CAMK1D: variants seen among roughly 807,000 people sequenced by gnomAD.
The protein encoded by CAMK1D is calcium/calmodulin dependent protein kinase ID, also known as calcium/calmodulin-dependent protein kinase type 1D.
A neutral mutation model predicts 47.7 loss-of-function variants in CAMK1D; 9 were observed. The ratio of observed to expected loss-of-function variants is 0.19; its 90% CI spans 0.11 to 0.33. CAMK1D has a LOEUF of 0.33. CAMK1D is among the 10% of genes least tolerant of loss of function. The pLI is 1.00. For missense variants in CAMK1D, 291 were observed against 488.7 expected (o/e 0.60, Z 3.81); for synonymous variants, 184 against 184.9 (o/e 0.99, Z 0.04).
At chr10:12,730,826 C>G (rs542999267) in intron 3 of CAMK1D, among the ~76,000 whole-genome samples, 1 of 152,274 alleles carries the variant, frequency 6.6e-6, no homozygotes, top group Admixed American at 6.5e-5. Context: ...CTGCTTTGTT[C>G]AGCAACATAG....
rs145927523 is a variant in CAMK1D, at chr10:12,770,991, G to A, written c.565+1192G>A. On this transcript the variant is annotated intron_variant, in intron 5 of 10. Coordinates refer to ENST00000619168, the MANE Select transcript of CAMK1D (RefSeq NM_153498.4). ...TGTTGCAAGGTTGGAGTGCAGTGGC[G>A]CAATCCCGACTCACTGCAACCTCCG... Among the ~76,000 whole-genome samples the A allele has an allele frequency of 4.8e-3, 735 of 152,158 alleles. 5 individuals carry two copies. Among genetic ancestry groups the A allele is most frequent in the African/African-American group, 0.017 (696 of 41,510 alleles).
chr10:12,510,411 G>A (rs943520415), intron 1 of CAMK1D, among the ~76,000 whole-genome samples: 2 of 127,944 alleles, frequency 1.6e-5, no homozygotes, highest in Admixed American at 8.0e-5. Context: ...GCAAGACTCC[G>A]TCTAAAAAAA....
chr10:12,635,717 G>T (rs1448914840), intron 2 of CAMK1D, among the ~76,000 whole-genome samples: 3 of 152,176 alleles, frequency 2.0e-5, no homozygotes, highest in African/African-American at 7.2e-5. Flanking sequence ...TTGAGGTTAG[G>T]AGTAATGATC....
chr10:12,410,117 C>G (rs1005749406), intron 1 of CAMK1D, among the ~76,000 whole-genome samples: 1 of 152,124 alleles, frequency 6.6e-6, no homozygotes, highest in Non-Finnish European at 1.5e-5. Flanking sequence ...AATCTTGATA[C>G]ATACTTTTTA....
chr10:12,419,795 G>A (rs537937794), intron 1 of CAMK1D, among the ~76,000 whole-genome samples: 42 of 152,302 alleles, frequency 2.8e-4, no homozygotes, highest in Admixed American at 1.2e-3. Flanking sequence ...TTGTAAATAA[G>A]TGGTTACCAC....
intron 1 of CAMK1D, among the ~76,000 whole-genome samples, chr10:12,544,886 A>G (rs1192258313): frequency 3.3e-5 from 5 of 152,130 alleles, no homozygotes; most frequent in African/African-American, 7.2e-5. Context: ...GGATGGTACT[A>G]GTGTTGAGTG....
At chr10:12,406,041 G>T (rs74691500) in intron 1 of CAMK1D, among the ~76,000 whole-genome samples, 3 of 152,120 alleles carry the variant, frequency 2.0e-5, no homozygotes, top group Non-Finnish European at 4.4e-5. Flanking sequence ...ATTTCTTGTC[G>T]CGTGTAGGAT....
At chr10:12,508,209 A>G (rs1333830475) in intron 1 of CAMK1D, among the ~76,000 whole-genome samples, 2 of 152,360 alleles carry the variant, frequency 1.3e-5, no homozygotes, top group South Asian at 2.1e-4. Flanking sequence ...TTCTGGAAGT[A>G]AATGCATCGC....
At chr10:12,428,758 C>T (rs977445813) in intron 1 of CAMK1D, among the ~76,000 whole-genome samples, 5 of 152,174 alleles carry the variant, frequency 3.3e-5, no homozygotes, top group East Asian at 3.9e-4. Flanking sequence ...ACTCCCAATG[C>T]GACGGTGTTA....
intron 1 of CAMK1D, among the ~76,000 whole-genome samples, chr10:12,536,359 G>T (rs558735645): frequency 1.3e-5 from 2 of 151,992 alleles, no homozygotes; most frequent in African/African-American, 4.8e-5. Flanking sequence ...GCTCACTGCA[G>T]CCTCCGCCTC....
chr10:12,552,153 C>A (rs1390309273), intron 1 of CAMK1D, among the ~76,000 whole-genome samples: 1 of 152,152 alleles, frequency 6.6e-6, no homozygotes, highest in Non-Finnish European at 1.5e-5. Context: ...CCCTGGGGTG[C>A]TGGCTCTGGG....
At chr10:12,487,049 A>T (rs11257824) in intron 1 of CAMK1D, among the ~76,000 whole-genome samples, 34,831 of 152,184 alleles carry the variant, frequency 0.23, 5,004 homozygotes, top group Non-Finnish European at 0.31. Context: ...TCAGGGGTAC[A>T]TGTGTAAGTT....
At chr10:12,799,211 C>T (rs1447555245) in intron 6 of CAMK1D, among the ~76,000 whole-genome samples, 2 of 152,212 alleles carry the variant, frequency 1.3e-5, no homozygotes, top group East Asian at 3.8e-4. Flanking sequence ...CGCTTTTGGT[C>T]TCCTTGCCGT....
At position 12,381,783 on chromosome 10, in the gene CAMK1D, T is replaced by A. The variant is rs76962599; in HGVS notation, c.92+31873T>A. On this transcript the variant is annotated intron_variant, in intron 1 of 10. Coordinates refer to ENST00000619168, the MANE Select transcript of CAMK1D (RefSeq NM_153498.4). ...GTCTTGCTAATTGGATGATCCCAGA[T>A]GTGCCAATTAGCTGGTACCAGGGGC... Among the ~76,000 whole-genome samples, 601 of 152,292 alleles carry A rather than the reference T, an allele frequency of 3.9e-3. 6 individuals are homozygous for A. Among genetic ancestry groups the A allele is most frequent in the African/African-American group, 0.014 (571 of 41,560 alleles).
rs1199849198 is a variant in CAMK1D at position 12,703,597 on chromosome 10, G to A, written c.299+36787G>A. Among the ~76,000 whole-genome samples, 5 of 152,194 alleles carry A rather than the reference G, an allele frequency of 3.3e-5. No individual in the cohort carries two copies. In the South Asian group the frequency reaches 6.2e-4, roughly 19 times the overall value. The stretch of plus-strand genomic sequence containing the variant: ...AGACAAATTTGAGTGGGCCGGGCGC[G>A]GTGGCTCATGCCTGTAAACCCAGCA... On this transcript the variant is annotated intron_variant, in intron 3 of 10. Transcript: ENST00000619168.
rs530103779 is a variant in CAMK1D at position 12,515,339 on chromosome 10, C to G, written c.93-37886C>G. Among the ~76,000 whole-genome samples, 152 of 151,578 alleles carry G rather than the reference C, an allele frequency of 1.0e-3. 2 individuals are homozygous for G. The highest frequency in any genetic ancestry group is 3.4e-3 in the Middle Eastern group (1 of 294). On this transcript the variant is annotated intron_variant, in intron 1 of 10. Transcript: ENST00000619168. ...TGTTACTCCTTTGCAGTCCAACTAT[C>G]TGTCCAGCCCGAAGCCTCGGCAGCC...
At chr10:12,607,873 A>G (rs1838509531) in intron 2 of CAMK1D, among the ~76,000 whole-genome samples, 1 of 152,172 alleles carries the variant, frequency 6.6e-6, no homozygotes, top group Admixed American at 6.5e-5. Context: ...AGGCAGGAGG[A>G]GCACTTGAGC....
chr10:12,474,867 A>AT (rs34774331), intron 1 of CAMK1D, among the ~76,000 whole-genome samples: 59,472 of 148,414 alleles, frequency 0.4, 12,121 homozygotes, highest in South Asian at 0.44. Context: ...GCGTTCCTGC[A>AT]TTTTTTTTTT....
chr10:12,405,487 C>CT (rs763089067), intron 1 of CAMK1D, among the ~76,000 whole-genome samples: 7 of 152,172 alleles, frequency 4.6e-5, no homozygotes, highest in Non-Finnish European at 1.0e-4. Flanking sequence ...TTTGCTTAGA[C>CT]TTTCTGTGTA....
Sources: allele counts gnomAD v4.1 joint callset (sites outside exome capture counted in the v4.1 genomes callset), GRCh38; gene constraint gnomAD v4.1.1; transcripts MANE v1.5; gene names NCBI Gene and HGNC (gene_info 2026-07-23, HGNC 2026-07-21).